LINC00305: variants seen among roughly 807,000 people sequenced by gnomAD.
The protein encoded by LINC00305 is long independently transcribed non-coding RNA 305, also known as long intergenic non-protein coding RNA 305.
At chr18:64,112,716 C>G (rs1369036485) in intron 1 of LINC00305, among the ~76,000 whole-genome samples, 1 of 152,078 alleles carries the variant, frequency 6.6e-6, no homozygotes, top group South Asian at 2.1e-4. Context: ...CCTGCTCTAA[C>G]CTGGGTGTCT....
At chr18:64,109,817 AC>A in intron 1 of LINC00305, among the ~76,000 whole-genome samples, 1 of 152,256 alleles carries the variant, frequency 6.6e-6, no homozygotes, top group South Asian at 2.1e-4. Context: ...GATGTGCACC[AC>A]CTTCAGGCTA....
At chr18:64,089,031 G>A (rs961416065) in intron 3 of LINC00305, among the ~76,000 whole-genome samples, 1 of 152,176 alleles carries the variant, frequency 6.6e-6, no homozygotes, top group African/African-American at 2.4e-5. Flanking sequence ...TAGACTGTCA[G>A]GAAGAAGCAG....
At chr18:64,087,255 G>T (rs1159796702) in intron 3 of LINC00305, among the ~76,000 whole-genome samples, 2 of 151,922 alleles carry the variant, frequency 1.3e-5, no homozygotes, top group Non-Finnish European at 2.9e-5. Context: ...CATTAAAAAA[G>T]AGCTAAAAAA....
chr18:64,147,275 G>A (rs560757887), intron 1 of LINC00305: 1 of 152,224 alleles, frequency 6.6e-6, no homozygotes, highest in South Asian at 2.1e-4. Flanking sequence ...AAATGGGTGT[G>A]GTATTTTTAT....
intron 3 of LINC00305, among the ~76,000 whole-genome samples, chr18:64,093,483 T>C (rs931276567): frequency 2.0e-5 from 3 of 152,164 alleles, no homozygotes; most frequent in African/African-American, 7.2e-5. Context: ...TACAGGTGTG[T>C]ACCACCAAGC....
At chr18:64,099,261 G>A (rs1160872195) in intron 1 of LINC00305, among the ~76,000 whole-genome samples, 2 of 152,092 alleles carry the variant, frequency 1.3e-5, no homozygotes, top group African/African-American at 4.8e-5. Flanking sequence ...TTTCATACAT[G>A]TGTACTCTCT....
intron 1 of LINC00305, among the ~76,000 whole-genome samples, chr18:64,145,056 T>C (rs1272082593): frequency 6.6e-6 from 1 of 152,192 alleles, no homozygotes; most frequent in Non-Finnish European, 1.5e-5. Flanking sequence ...CTTCTGAGAA[T>C]TTCTGGTCTA....
intron 1 of LINC00305, among the ~76,000 whole-genome samples, chr18:64,145,042 C>T (rs898145661): frequency 4.6e-5 from 7 of 152,144 alleles, no homozygotes; most frequent in Non-Finnish European, 1.5e-5. Flanking sequence ...TTAAGGCATA[C>T]TCCCTTCTGA....
intron 1 of LINC00305, among the ~76,000 whole-genome samples, chr18:64,143,866 A>G (rs142634091): frequency 0.029 from 4,481 of 152,106 alleles, 98 homozygotes; most frequent in Non-Finnish European, 0.044. Flanking sequence ...ATACATACAT[A>G]CATATATGTA....
chr18:64,134,992 C>T (rs2051425852), intron 1 of LINC00305, among the ~76,000 whole-genome samples: 1 of 152,154 alleles, frequency 6.6e-6, no homozygotes, highest in South Asian at 2.1e-4. Flanking sequence ...GGAACTTGAA[C>T]AACCAAAGTT....
chr18:64,097,216 G>A (rs530786638), intron 3 of LINC00305, among the ~76,000 whole-genome samples: 53 of 152,190 alleles, frequency 3.5e-4, no homozygotes, highest in Middle Eastern at 3.4e-3. Context: ...ATGCAGCCAT[G>A]AAAGATGTAT....
chr18:64,093,991 A>G (rs1004282803), intron 3 of LINC00305, among the ~76,000 whole-genome samples: 7 of 152,196 alleles, frequency 4.6e-5, no homozygotes, highest in African/African-American at 1.7e-4. Context: ...AAAAAGGGAA[A>G]TAGTTTTCCG....
chr18:64,129,124 A>G (rs912926163), intron 1 of LINC00305, among the ~76,000 whole-genome samples: 2 of 152,126 alleles, frequency 1.3e-5, no homozygotes, highest in African/African-American at 4.8e-5. Flanking sequence ...AATGTAATTT[A>G]CTTTCCAAGG....
chr18:64,116,215 A>T (rs1220650442), intron 1 of LINC00305, among the ~76,000 whole-genome samples: 1 of 152,224 alleles, frequency 6.6e-6, no homozygotes, highest in Non-Finnish European at 1.5e-5. Flanking sequence ...TCAGTAACAA[A>T]AAGTGGGTCT....
At chr18:64,080,735 C>T (rs546238556) in intron 3 of LINC00305, among the ~76,000 whole-genome samples, 239 of 152,102 alleles carry the variant, frequency 1.6e-3, no homozygotes, top group African/African-American at 5.5e-3. Flanking sequence ...TGTTATCAAA[C>T]AATATGTAGT....
intron 3 of LINC00305, among the ~76,000 whole-genome samples, chr18:64,092,983 A>G (rs1356438632): frequency 1.3e-5 from 2 of 152,336 alleles, no homozygotes; most frequent in African/African-American, 4.8e-5. Flanking sequence ...ATTATCACAC[A>G]TCCAGTAAGC....
intron 3 of LINC00305, among the ~76,000 whole-genome samples, chr18:64,081,933 G>C (rs73962130): frequency 1.3e-5 from 2 of 152,128 alleles, no homozygotes; most frequent in South Asian, 4.1e-4. Flanking sequence ...CAGCATGGCT[G>C]TGATGAAGGT....
chr18:64,131,787 G>C (rs189115915), intron 1 of LINC00305, among the ~76,000 whole-genome samples: 1 of 152,320 alleles, frequency 6.6e-6, no homozygotes, highest in East Asian at 1.9e-4. Context: ...CCGAGAACAA[G>C]TCTCCTGTAG....
intron 1 of LINC00305, among the ~76,000 whole-genome samples, chr18:64,145,989 T>A (rs2051496005): frequency 6.6e-6 from 1 of 152,152 alleles, no homozygotes; most frequent in Non-Finnish European, 1.5e-5. Flanking sequence ...GGGTACTTAT[T>A]AGTCATTCCA....
Sources: allele counts gnomAD v4.1 joint callset (sites outside exome capture counted in the v4.1 genomes callset), GRCh38; gene constraint gnomAD v4.1.1; transcripts MANE v1.5; gene names NCBI Gene and HGNC (gene_info 2026-07-23, HGNC 2026-07-21).